PCNT: variants seen among roughly 807,000 people sequenced by gnomAD.
PCNT encodes pericentrin, also known as kendrin.
In PCNT, 319 loss-of-function variants were observed where a neutral mutation model predicts 380.4. The ratio of observed to expected loss-of-function variants is 0.84; its 90% CI spans 0.77 to 0.92. The LOEUF is 0.92. Among genes scored for constraint, PCNT ranks in the 40% least tolerant of loss-of-function variants. The probability of loss-of-function intolerance (pLI) is 0.00; values close to 1 mark genes in which losing one functional copy is unlikely to be tolerated. For synonymous variants in PCNT, 1,845 were observed against 1,735.2 expected (o/e 1.06, Z -1.57); for missense variants, 4,400 against 4,255.3 (o/e 1.03, Z -0.95).
chr21:46,331,732 C>T (rs113059032), intron 2 of PCNT, among the ~76,000 whole-genome samples: 13,650 of 151,796 alleles, frequency 0.09, 703 homozygotes, highest in African/African-American at 0.13. Context: ...CACCACTGCA[C>T]GCCAGCCTGG....
At chr21:46,381,552 G>A in intron 15 of PCNT, 142 bp from the exon 16 acceptor site, 2 of 755,326 alleles carry the variant, frequency 2.6e-6, no homozygotes, top group Middle Eastern at 3.4e-4. Context: ...TCTTTGATGG[G>A]GGCTGTGGTC....
rs996105548 is a variant in PCNT, at chr21:46,414,141, G to A, written c.6150+1149G>A. On this transcript the variant is annotated intron_variant, in intron 29 of 46. Coordinates refer to ENST00000359568, the MANE Select transcript of PCNT (RefSeq NM_006031.6). ...CGAGTAGCTGGGACTGCAGGCATGC[G>A]CCACCACACCCAGCTGATTTTTGTA... Among the ~76,000 whole-genome samples, 70 of 152,156 alleles carry A rather than the reference G, an allele frequency of 4.6e-4. 1 individual carries two copies. The highest frequency in any genetic ancestry group is 2.0e-3 in the Admixed American group (31 of 15,282).
Position 46,326,392 on chromosome 21 carries a change from C to T in PCNT, c.70C>T (p.Gln24Ter). The T allele has an allele frequency of 6.2e-7, 1 of 1,614,146 alleles. No individual in the cohort carries two copies. The highest frequency in any genetic ancestry group is 8.5e-7 in the Non-Finnish European group (1 of 1,180,030). Reference protein sequence around the residue: ...AGRTKLAHFRQRKTKGDSSHS... With the variant: ...AGRTKLAHFR ...TTTTGCGCAGCTTGCTCACTTCCGACAGAGAAAAACAAAAGGTGACAGTTC... is the reference window on the plus strand; with the variant it reads ...TTTTGCGCAGCTTGCTCACTTCCGATAGAGAAAAACAAAAGGTGACAGTTC... Residue 24 changes from glutamine to a stop codon, truncating the protein, a stop_gained, in exon 2 of 47, where the codon CAG becomes TAG. Transcript: ENST00000359568. LOFTEE classifies it high-confidence loss of function.
chr21:46,421,970 G>T lies in PCNT; in HGVS notation c.7025G>T (p.Ser2342Ile). 6.2e-7 allele frequency: 1 copy of T among 1,614,062 alleles called. No homozygotes were observed. The highest frequency in any genetic ancestry group is 1.1e-5 in the South Asian group (1 of 91,090). The change falls in exon 32 of 47, where the codon AGT (serine) becomes ATT (isoleucine). Residue 2342 changes from serine (S) to isoleucine (I), a missense_variant and splice_region_variant. By Grantham distance (142) the Ser-to-Ile change is moderately radical. Transcript: ENST00000359568. ...GACCCTGACCCTGTGGTGTTTTTAG[G>T]TGACGGCTCGGGTTTTGGAGCAAGA... ...LEGKADRSEK[S>I]DGSGFGARLS...
At chr21:46,330,373 C>T (rs1749440883) in intron 2 of PCNT, among the ~76,000 whole-genome samples, 1 of 152,122 alleles carries the variant, frequency 6.6e-6, no homozygotes, top group Admixed American at 6.6e-5. Context: ...CCCACCTCGG[C>T]CTCCCAAAGT....
chr21:46,344,441 C>T (rs1335086034), intron 3 of PCNT, among the ~76,000 whole-genome samples: 6 of 152,320 alleles, frequency 3.9e-5, no homozygotes, highest in South Asian at 2.1e-4. Context: ...GACGAGTCCC[C>T]GCACAGGCAG....
chr21:46,385,752 A>G, intron 16 of PCNT, 80 bp from the exon 17 acceptor site: 4 of 1,460,372 alleles, frequency 2.7e-6, no homozygotes, highest in Non-Finnish European at 3.8e-6. Context: ...CAAATACTGA[A>G]ATTGTGTTGA....
Position 46,394,240 on chromosome 21 carries a change from C to A in PCNT, c.4216+2864C>A, listed in dbSNP as rs566071671. Among the ~76,000 whole-genome samples, 30 of 152,348 alleles carry A rather than the reference C, an allele frequency of 2.0e-4. 1 individual carries two copies. Among genetic ancestry groups the A allele is most frequent in the Admixed American group, 1.3e-3 (20 of 15,308 alleles). On this transcript the variant is annotated intron_variant, in intron 21 of 46. Coordinates refer to ENST00000359568, the MANE Select transcript of PCNT (RefSeq NM_006031.6). ...CCCTGCCTCGCCGTGTTGCGTGACG[C>A]CCCCTTCGCTGTGTGGTGTTTTGTG...
chr21:46,388,548 C>T lies in PCNT; in HGVS notation c.3465-194C>T, dbSNP rs2085919410. 6.6e-6 allele frequency among the ~76,000 whole-genome samples: 1 copy of T among 152,304 alleles called. No individual in the cohort carries two copies. Among genetic ancestry groups the T allele is most frequent in the South Asian group, 2.1e-4 (1 of 4,826 alleles). The stretch of plus-strand genomic sequence containing the variant: ...GAAAGCCCGTGTCCCTGAGTGGGCT[C>T]CACGTGGTTGTCTTGTCTGTGGCCT... On this transcript the variant is annotated intron_variant, in intron 17 of 46. Transcript: ENST00000359568. The surrounding 1 kb of genome is among the most constrained non-coding windows in gnomAD (Gnocchi z 4.2).
intron 25 of PCNT, among the ~76,000 whole-genome samples, chr21:46,400,176 T>C (rs2086372586): frequency 6.6e-6 from 1 of 152,224 alleles, no homozygotes; most frequent in East Asian, 1.9e-4. Context: ...CAGGAACTCA[T>C]GTCAGCTCCC....
At chr21:46,441,672 A>G (rs2053611245) in intron 43 of PCNT, among the ~76,000 whole-genome samples, 1 of 152,132 alleles carries the variant, frequency 6.6e-6, no homozygotes, top group African/African-American at 2.4e-5. Flanking sequence ...TCCACCGTCC[A>G]TCCTTCCACC....
chr21:46,410,677 T>C (rs1227365792), intron 27 of PCNT, among the ~76,000 whole-genome samples: 1 of 152,228 alleles, frequency 6.6e-6, no homozygotes, highest in Non-Finnish European at 1.5e-5. Context: ...CTTCGATGCC[T>C]GGTGTCACCG....
At chr21:46,418,096 G>T (rs1436541969) in intron 30 of PCNT, 108 bp from the exon 31 acceptor site, 4 of 715,552 alleles carry the variant, frequency 5.6e-6, no homozygotes, top group South Asian at 1.6e-5. Context: ...TTCATCTGGG[G>T]TCTATGTGGG....
chr21:46,433,645 CTTTAAT>C (rs968016920), intron 38 of PCNT, among the ~76,000 whole-genome samples: 3 of 152,080 alleles, frequency 2.0e-5, no homozygotes, highest in African/African-American at 7.2e-5. Flanking sequence ...CAGCCAAAAC[CTTTAAT>C]TTTGATTGTT....
Position 46,396,691 on chromosome 21 carries a change from T to C in PCNT, c.4217-574T>C, listed in dbSNP as rs2086220834. On this transcript the variant is annotated intron_variant, in intron 21 of 46. Transcript: ENST00000359568. ...CAATCTGGGCTCACTGCAACCTCCA[T>C]CTCCCGGATTCAAGTGATTCTCCTG... 2.6e-5 allele frequency among the ~76,000 whole-genome samples: 4 copies of C among 152,108 alleles called. No individual in the cohort carries two copies. In the South Asian group the frequency reaches 6.2e-4, roughly 24 times the overall value.
chr21:46,365,588 A>ACTCCCATGGGGTTCTGT (rs2084890232), intron 14 of PCNT, among the ~76,000 whole-genome samples: 1 of 71,380 alleles, frequency 1.4e-5, no homozygotes. Flanking sequence ...TGGGGTTCTG[A>ACTCCCATGGGGTTCTGT]TCACTGCCAT....
At chr21:46,435,505 C>T (rs759566935) in intron 38 of PCNT, among the ~76,000 whole-genome samples, 40 of 151,258 alleles carry the variant, frequency 2.6e-4, no homozygotes, top group Non-Finnish European at 5.2e-4. Flanking sequence ...GGATTACAGG[C>T]GTGAGCCACC....
In PCNT at chr21:46,366,784, A is replaced by G; in HGVS notation, c.2810A>G (p.Lys937Arg). 6.2e-7 allele frequency: 1 copy of G among 1,613,738 alleles called. No homozygotes were observed. Among genetic ancestry groups the G allele is most frequent in the Non-Finnish European group, 8.5e-7 (1 of 1,180,036 alleles). ...LGELTASLES[K>R]QGALLAARVA... is the part of the protein sequence containing the mutation. ...GAGCTGACAGCCTCCTTAGAGAGCA[A>G]GCAGGGGGCTCTGCTGGCTGCACGT... The change falls in exon 15 of 47, where the codon AAG (lysine) becomes AGG (arginine). Residue 937 changes from lysine to arginine, a missense_variant. Coordinates refer to ENST00000359568, the MANE Select transcript of PCNT (RefSeq NM_006031.6).
chr21:46,401,621 A>G lies in PCNT; in HGVS notation c.4862A>G (p.Asp1621Gly), dbSNP rs1233974381. 3 of 1,613,770 alleles carry G rather than the reference A, an allele frequency of 1.9e-6. No homozygotes were observed. The African/African-American group carries it at 4.0e-5, about 22-fold the overall frequency. The change falls in exon 26 of 47, where the codon GAT (aspartate) becomes GGT (glycine). Residue 1621 changes from aspartate to glycine, a missense_variant. Transcript: ENST00000359568. ...LLASTLQSTL[D>G]AGRCPEPPSG... is the part of the protein sequence containing the mutation. ...GCGTCCACGTTGCAGTCTACACTAGATGCAGGCAGATGTCCCGAGCCTCCT... is the reference window on the plus strand; with the variant it reads ...GCGTCCACGTTGCAGTCTACACTAGGTGCAGGCAGATGTCCCGAGCCTCCT...
Sources: gnomAD v4.1 joint callset for allele counts (sites outside exome capture counted in the v4.1 genomes callset) on GRCh38, gnomAD v4.1.1 for gene constraint, Gnocchi (gnomAD v3.1) non-coding constraint, MANE v1.5 for transcripts, NCBI Gene and HGNC (gene_info 2026-07-23, HGNC 2026-07-21) for gene names.